CSNK2A2IP: variants seen among roughly 807,000 people sequenced by gnomAD.
CSNK2A2IP encodes casein kinase II subunit alpha'-interacting protein.
chr3:88,465,420 C>T, the CSNK2A2IP span: 2 of 1,231,616 alleles, frequency 1.6e-6, no homozygotes, highest in Non-Finnish European at 2.0e-6. Flanking sequence ...ACCAACTGTC[C>T]TCAGCCAATA....
the CSNK2A2IP span, among the ~76,000 whole-genome samples, chr3:88,397,927 C>G: frequency 6.6e-6 from 1 of 151,968 alleles, no homozygotes; most frequent in African/African-American, 2.4e-5. Context: ...ATAAAGCAAT[C>G]CTTAATCTGG....
chr3:88,366,396 T>TAA, the CSNK2A2IP span, among the ~76,000 whole-genome samples: 1 of 152,166 alleles, frequency 6.6e-6, no homozygotes, highest in Middle Eastern at 3.2e-3. Context: ...TGGGAAGACT[T>TAA]AAAATCAACC....
chr3:88,394,151 G>A, the CSNK2A2IP span, among the ~76,000 whole-genome samples: 1 of 152,120 alleles, frequency 6.6e-6, no homozygotes, highest in African/African-American at 2.4e-5. Context: ...AAAGACAAGT[G>A]CAGACACTTA....
At chr3:88,461,105 A>G in the CSNK2A2IP span, among the ~76,000 whole-genome samples, 1 of 151,752 alleles carries the variant, frequency 6.6e-6, no homozygotes, top group Admixed American at 6.6e-5. Context: ...AAACAAAGAA[A>G]CATTATTTTG....
At chr3:88,371,189 G>A in the CSNK2A2IP span, among the ~76,000 whole-genome samples, 1 of 151,868 alleles carries the variant, frequency 6.6e-6, no homozygotes, top group South Asian at 2.1e-4. Flanking sequence ...TGCATATGCA[G>A]GAAGAAACCC....
chr3:88,375,249 C>T, the CSNK2A2IP span, among the ~76,000 whole-genome samples: 1 of 151,814 alleles, frequency 6.6e-6, no homozygotes, highest in East Asian at 1.9e-4. Context: ...CTCAGTTTTA[C>T]CATCCTTTTT....
At chr3:88,371,750 T>C in the CSNK2A2IP span, among the ~76,000 whole-genome samples, 17 of 151,712 alleles carry the variant, frequency 1.1e-4, no homozygotes, top group African/African-American at 3.9e-4. Context: ...TCTACACATA[T>C]TATAGTTAAA....
the CSNK2A2IP span, among the ~76,000 whole-genome samples, chr3:88,415,034 C>T: frequency 1.3e-5 from 2 of 151,944 alleles, no homozygotes; most frequent in Non-Finnish European, 2.9e-5. Flanking sequence ...CACACACACA[C>T]ACACACAAAT....
the CSNK2A2IP span, chr3:88,465,562 G>C: frequency 8.1e-7 from 1 of 1,231,722 alleles, no homozygotes. Context: ...GAGATGCTCA[G>C]TATTGCCTTC....
At chr3:88,446,672 T>C in the CSNK2A2IP span, among the ~76,000 whole-genome samples, 31 of 152,314 alleles carry the variant, frequency 2.0e-4, no homozygotes, top group Non-Finnish European at 4.0e-4. Context: ...GAAGCATTTC[T>C]GGACTTGTCA....
At chr3:88,340,611 CTT>C in the CSNK2A2IP span, among the ~76,000 whole-genome samples, 1 of 151,892 alleles carries the variant, frequency 6.6e-6, no homozygotes, top group African/African-American at 2.4e-5. Context: ...TTCTTAACCT[CTT>C]ATAAACTTAA....
At chr3:88,449,165 A>G in the CSNK2A2IP span, among the ~76,000 whole-genome samples, 1 of 152,040 alleles carries the variant, frequency 6.6e-6, no homozygotes, top group African/African-American at 2.4e-5. Context: ...TATTTGGTGA[A>G]CTTATTTTGT....
chr3:88,392,836 G>T, the CSNK2A2IP span, among the ~76,000 whole-genome samples: 2 of 152,146 alleles, frequency 1.3e-5, no homozygotes, highest in Non-Finnish European at 2.9e-5. Context: ...AGATGCTTTT[G>T]TTTTATTTAA....
chr3:88,457,489 C>T, the CSNK2A2IP span, among the ~76,000 whole-genome samples: 1 of 151,626 alleles, frequency 6.6e-6, no homozygotes, highest in East Asian at 1.9e-4. Context: ...TGAGGTCAGG[C>T]ATTTGAGACA....
At chr3:88,365,036 C>T in the CSNK2A2IP span, among the ~76,000 whole-genome samples, 11 of 152,048 alleles carry the variant, frequency 7.2e-5, no homozygotes, top group Non-Finnish European at 1.6e-4. Flanking sequence ...AAATTGAGGC[C>T]TTGCCCAAGT....
the CSNK2A2IP span, among the ~76,000 whole-genome samples, chr3:88,427,483 G>A: frequency 0.08 from 12,124 of 152,256 alleles, 878 homozygotes; most frequent in Admixed American, 0.24. Context: ...TCTCCAGGGC[G>A]TATCAGAGAC....
At chr3:88,384,686 A>C in the CSNK2A2IP span, among the ~76,000 whole-genome samples, 1 of 152,166 alleles carries the variant, frequency 6.6e-6, no homozygotes, top group Non-Finnish European at 1.5e-5. Context: ...GGCTATAGAA[A>C]ATGGCCTAGA....
the CSNK2A2IP span, among the ~76,000 whole-genome samples, chr3:88,354,600 GA>G: frequency 6.6e-6 from 1 of 152,274 alleles, no homozygotes; most frequent in Middle Eastern, 3.4e-3. Context: ...AAGTAGGCAA[GA>G]ACTGAAAGAA....
chr3:88,453,202 A>G, the CSNK2A2IP span, among the ~76,000 whole-genome samples: 785 of 152,198 alleles, frequency 5.2e-3, 10 homozygotes, highest in African/African-American at 0.018. Flanking sequence ...AGAATGATCA[A>G]TCTCTGAACT....
Sources: gnomAD v4.1 joint callset for allele counts (sites outside exome capture counted in the v4.1 genomes callset) on GRCh38, gnomAD v4.1.1 for gene constraint, MANE v1.5 for transcripts, NCBI Gene and HGNC (gene_info 2026-07-23, HGNC 2026-07-21) for gene names.